CDH13: variants seen among roughly 807,000 people sequenced by gnomAD.
CDH13 encodes cadherin 13.
Under a neutral mutation model 63.8 loss-of-function variants are expected in CDH13, and 24 were observed. The observed-to-expected ratio is 0.38, with a 90% confidence interval of 0.27 to 0.53. The LOEUF is 0.53. Among genes scored for constraint, CDH13 ranks in the 20% least tolerant of loss-of-function variants. The pLI, the probability that CDH13 is intolerant of heterozygous loss-of-function variation, is 0.85. For missense variants in CDH13, 1,049 were observed against 903.1 expected (o/e 1.16, Z -2.07); for synonymous variants, 503 against 355.3 (o/e 1.42, Z -4.67).
At chr16:83,736,752 C>A (rs936256545) in intron 10 of CDH13, among the ~76,000 whole-genome samples, 2 of 152,174 alleles carry the variant, frequency 1.3e-5, no homozygotes, top group South Asian at 4.1e-4. Context: ...AAGAGCCCGG[C>A]CACAGCAAAA....
intron 1 of CDH13, among the ~76,000 whole-genome samples, chr16:82,800,303 A>G (rs936794963): frequency 2.6e-5 from 4 of 152,086 alleles, no homozygotes; most frequent in African/African-American, 7.2e-5. Context: ...TTAAAATTGT[A>G]TTTTTCTCGT....
At chr16:83,050,358 A>G (rs906710959) in intron 3 of CDH13, among the ~76,000 whole-genome samples, 1 of 152,148 alleles carries the variant, frequency 6.6e-6, no homozygotes, top group African/African-American at 2.4e-5. Flanking sequence ...CAACTCTTTG[A>G]GAAGTCACCC....
At chr16:82,965,140 C>G (rs1469230016) in intron 2 of CDH13, among the ~76,000 whole-genome samples, 1 of 152,222 alleles carries the variant, frequency 6.6e-6, no homozygotes, top group Non-Finnish European at 1.5e-5. Flanking sequence ...CTCACATTCC[C>G]TCTGCAGTTT....
At position 83,120,161 on chromosome 16, in the gene CDH13, C is replaced by T. The variant is rs189244563; in HGVS notation, c.367-5224C>T. 2.3e-3 allele frequency among the ~76,000 whole-genome samples: 351 copies of T among 152,206 alleles called. 2 individuals carry two copies. The highest frequency in any genetic ancestry group is 3.3e-3 in the African/African-American group (135 of 41,524). On this transcript the variant is annotated intron_variant, in intron 3 of 13. Transcript: ENST00000567109. ...TGTCCCTTCCAGGTACTGTTTTTCC[C>T]GAATCAGAGCTTCCTGCTTCTTTTC...
chr16:83,587,324 A>G (rs1251617674), intron 7 of CDH13, among the ~76,000 whole-genome samples: 1 of 152,184 alleles, frequency 6.6e-6, no homozygotes, highest in Non-Finnish European at 1.5e-5. Context: ...TTAACATGCA[A>G]AGGACTGATA....
chr16:83,295,261 G>A (rs1433696721), intron 5 of CDH13, among the ~76,000 whole-genome samples: 1 of 152,020 alleles, frequency 6.6e-6, no homozygotes, highest in Non-Finnish European at 1.5e-5. Context: ...TGTAAGACTT[G>A]AAACTATGAA....
chr16:83,287,151 A>G (rs1008325893), intron 5 of CDH13, among the ~76,000 whole-genome samples: 2 of 152,234 alleles, frequency 1.3e-5, no homozygotes, highest in African/African-American at 4.8e-5. Context: ...TGGAATGTTC[A>G]GGAAGTCCAA....
intron 8 of CDH13, among the ~76,000 whole-genome samples, chr16:83,668,088 C>G (rs531022813): frequency 8.5e-5 from 13 of 152,316 alleles, no homozygotes; most frequent in Non-Finnish European, 1.6e-4. Flanking sequence ...CAGTCCATCC[C>G]TGGTCTTCTG....
At chr16:83,480,188 C>G (rs1014865487) in intron 6 of CDH13, among the ~76,000 whole-genome samples, 2 of 152,156 alleles carry the variant, frequency 1.3e-5, no homozygotes, top group Non-Finnish European at 2.9e-5. Context: ...TAGTGGTGCG[C>G]ACCTATAGTC....
chr16:82,685,638 G>A (rs892759778), intron 1 of CDH13, among the ~76,000 whole-genome samples: 1 of 151,974 alleles, frequency 6.6e-6, no homozygotes, highest in Admixed American at 6.6e-5. Flanking sequence ...GTGTGCATGT[G>A]CTCTGTGTGT....
rs78348897 is a variant in CDH13 at position 83,655,755 on chromosome 16, A to G, written c.1102-15035A>G. Among the ~76,000 whole-genome samples the G allele has an allele frequency of 3.8e-3, 577 of 152,334 alleles. 8 individuals carry two copies. The highest frequency in any genetic ancestry group is 0.012 in the African/African-American group (491 of 41,564). ...CCAAACACCCAGAATCGAGCCTGGC[A>G]TGTAGCAGGTGTTCAGTGGCTTCAT... On this transcript the variant is annotated intron_variant, in intron 8 of 13. Transcript: ENST00000567109.
chr16:83,392,725 C>A (rs913658776), intron 6 of CDH13, among the ~76,000 whole-genome samples: 1 of 152,150 alleles, frequency 6.6e-6, no homozygotes, highest in South Asian at 2.1e-4. Context: ...AAAGACAGAA[C>A]CAGCGCACGA....
intron 2 of CDH13, among the ~76,000 whole-genome samples, chr16:82,938,148 G>C (rs924868695): frequency 6.6e-6 from 1 of 152,188 alleles, no homozygotes; most frequent in African/African-American, 2.4e-5. Flanking sequence ...TGTATCTTAA[G>C]AGCCTTTACT....
chr16:83,298,360 C>A lies in CDH13; in HGVS notation c.637-46502C>A, dbSNP rs2089653266. 1.3e-5 allele frequency among the ~76,000 whole-genome samples: 2 copies of A among 152,110 alleles called. 1 individual carries two copies. Among genetic ancestry groups the A allele is most frequent in the South Asian group, 4.1e-4 (2 of 4,826 alleles). On this transcript the variant is annotated intron_variant, in intron 5 of 13. Transcript: ENST00000567109. ...TATTTTTCTTAGAATGAAACCAAGC[C>A]AGCAAGAATAATAACTTTTGAAAGC...
At chr16:82,988,959 A>G (rs72792125) in intron 2 of CDH13, among the ~76,000 whole-genome samples, 18,298 of 152,154 alleles carry the variant, frequency 0.12, 1,342 homozygotes, top group Middle Eastern at 0.19. Context: ...TTCTTTTTAT[A>G]TCTCCAGTGC....
chr16:82,708,650 T>C (rs2031679018), intron 1 of CDH13, among the ~76,000 whole-genome samples: 1 of 152,164 alleles, frequency 6.6e-6, no homozygotes, highest in Non-Finnish European at 1.5e-5. Flanking sequence ...GAAGATCTGA[T>C]TCGCCCAGCT....
intron 4 of CDH13, among the ~76,000 whole-genome samples, chr16:83,137,022 G>C (rs181481740): frequency 1.3e-5 from 2 of 152,330 alleles, no homozygotes; most frequent in Admixed American, 1.3e-4. Context: ...CTTCAGCACG[G>C]CACTGGCCTT....
At chr16:82,628,570 A>G in intron 1 of CDH13, among the ~76,000 whole-genome samples, 1 of 152,276 alleles carries the variant, frequency 6.6e-6, no homozygotes, top group East Asian at 1.9e-4. Flanking sequence ...CCCGCTCCCA[A>G]GCTCCTGACT....
Position 83,795,867 on chromosome 16 carries a change from A to C in CDH13, c.*837A>C, listed in dbSNP as rs1048107982. 1.3e-5 allele frequency: 2 copies of C among 152,646 alleles called. No individual in the cohort carries two copies. The highest frequency in any genetic ancestry group is 4.8e-5 in the African/African-American group (2 of 41,452). 9.5% of individuals were successfully genotyped at this position (152,646 alleles called of 1,614,324 possible). A position where few individuals can be genotyped will look rare whatever the true frequency, so the allele number is the denominator to read the frequency against. On this transcript the variant is annotated 3_prime_UTR_variant, in exon 14 of 14. Transcript: ENST00000567109. The stretch of plus-strand genomic sequence containing the variant: ...CAGTCGTACTGATTCTAATGGGGAC[A>C]CAGATCATGGTAGAGAATCTCTCCC...
Sources: gnomAD v4.1 joint callset for allele counts (sites outside exome capture counted in the v4.1 genomes callset) on GRCh38, gnomAD v4.1.1 for gene constraint, MANE v1.5 for transcripts, NCBI Gene and HGNC (gene_info 2026-07-23, HGNC 2026-07-21) for gene names.